The following SS18L1 variants were observed in gnomAD, a reference collection of about 807,000 sequenced individuals.
SS18L1 encodes the protein calcium-responsive transactivator.
SS18L1 carries 32 observed loss-of-function variants against 70.3 expected under a neutral mutation model. The ratio of observed to expected loss-of-function variants is 0.46; its 90% CI spans 0.34 to 0.61. SS18L1 has a LOEUF of 0.61. Ranked by LOEUF, SS18L1 falls within the 20% of genes least tolerant of loss-of-function variation. The pLI is 0.01. For missense variants in SS18L1, 430 were observed against 542.1 expected, an observed-to-expected ratio of 0.79 and a Z score of 2.05; for synonymous variants, 237 against 229.7, an observed-to-expected ratio of 1.03 and a Z score of -0.29.
In SS18L1 at chr20:62,179,339, G is replaced by A. The variant is rs113512555; in HGVS notation, c.*131G>A. ...CCAGTGCCACGTCTGCATGTGAAGC[G>A]TGCTCATTTCATGCTGGGTATGACG... On this transcript the variant is annotated 3_prime_UTR_variant, in exon 11 of 11. Transcript: ENST00000331758. The A allele has an allele frequency of 1.9e-4, 191 of 1,001,872 alleles. No individual in the cohort carries two copies. The East Asian group carries it at 1.9e-3, about 10-fold the overall frequency. The allele number at this position is 1,001,872 out of a possible 1,614,324, so 62.1% of individuals were successfully genotyped here.
At chr20:62,150,721 A>G (rs2145700479) in intron 1 of SS18L1, among the ~76,000 whole-genome samples, 1 of 130,456 alleles carries the variant, frequency 7.7e-6, no homozygotes, top group African/African-American at 2.9e-5. Flanking sequence ...TAACGTGATC[A>G]CAGCTCGTGC....
At chr20:62,165,609 C>A in intron 8 of SS18L1, 95 bp downstream of exon 8, 2 of 1,137,640 alleles carry the variant, frequency 1.8e-6, no homozygotes, top group Non-Finnish European at 2.6e-6. Flanking sequence ...TGCCTGCCTT[C>A]AGTGAGTCCC....
chr20:62,152,233 G>A (rs935267316), intron 1 of SS18L1, among the ~76,000 whole-genome samples: 3 of 152,144 alleles, frequency 2.0e-5, no homozygotes, highest in South Asian at 2.1e-4. Flanking sequence ...GGCCACCCAC[G>A]CCCACTCCAC....
intron 10 of SS18L1, among the ~76,000 whole-genome samples, chr20:62,177,060 A>T (rs2057631713): frequency 6.6e-6 from 1 of 151,936 alleles, no homozygotes; most frequent in Non-Finnish European, 1.5e-5. Flanking sequence ...ATTTAAAATG[A>T]CTCCAGACAT....
In SS18L1 at chr20:62,162,591, A is replaced by T; in HGVS notation, c.377-161A>T. 6 of 741,256 alleles carry T rather than the reference A, an allele frequency of 8.1e-6. No homozygotes were observed. In the South Asian group the frequency reaches 1.0e-4, roughly 13 times the overall value. 45.9% of individuals were successfully genotyped at this position (741,256 alleles called of 1,614,324 possible). On this transcript the variant is annotated intron_variant, in intron 4 of 10. Transcript: ENST00000331758. ...AGTGCTGGGATTACAGGCATGAGCC[A>T]CTGCTCCCGGCCACTTATTTATTAG...
In SS18L1 at chr20:62,158,603, G is replaced by T. The variant is rs2057265518; in HGVS notation, c.70-69G>T. 1 of 1,578,488 alleles carries T rather than the reference G, an allele frequency of 6.3e-7. No homozygotes were observed. On this transcript the variant is annotated intron_variant, in intron 1 of 10. Transcript: ENST00000331758. This position sits in a 1 kb window ranked among gnomAD's most constrained non-coding sequence, Gnocchi z 4.5. ...CCTATATGAAAACTAGATGTGTAGC[G>T]ATGGCTGTTCATCCCGAGGGTCAGC...
chr20:62,165,533 T>TAA lies in SS18L1; in HGVS notation c.916+19_916+20insAA, dbSNP rs754302043. On this transcript the variant is annotated intron_variant, in intron 8 of 10. Transcript: ENST00000331758. ...GAGGGGGGTAAGGAGCACGGCTGCG[T>TAA]GCTGGGCTCGAGCGTAAGCGCCACA... 2 of 1,285,402 alleles carry TAA rather than the reference T, an allele frequency of 1.6e-6. No homozygotes were observed. Among genetic ancestry groups the TAA allele is most frequent in the Non-Finnish European group, 2.1e-6 (2 of 970,604 alleles). The allele number at this position is 1,285,402 out of a possible 1,614,324, so 79.6% of individuals were successfully genotyped here.
At chr20:62,156,457 G>A (rs2057225448) in intron 1 of SS18L1, among the ~76,000 whole-genome samples, 1 of 152,230 alleles carries the variant, frequency 6.6e-6, no homozygotes, top group Non-Finnish European at 1.5e-5. Flanking sequence ...GCTCAGCTGA[G>A]TGCAGGGCAC....
chr20:62,144,454 C>T (rs1035022685), intron 1 of SS18L1, among the ~76,000 whole-genome samples: 1 of 152,254 alleles, frequency 6.6e-6, no homozygotes, highest in Admixed American at 6.5e-5. Flanking sequence ...GAGGCGCGAA[C>T]GATGGAGGCA....
chr20:62,149,012 C>G (rs1467591190), intron 1 of SS18L1, among the ~76,000 whole-genome samples: 1 of 152,224 alleles, frequency 6.6e-6, no homozygotes, highest in Non-Finnish European at 1.5e-5. Flanking sequence ...GGCGGTCCTG[C>G]GGGTGCTCTC....
At chr20:62,143,987 A>C in intron 1 of SS18L1, 98 bp downstream of exon 1, 5 of 772,212 alleles carry the variant, frequency 6.5e-6, no homozygotes, top group Non-Finnish European at 7.8e-6. Context: ...GGCGCGAACA[A>C]AGCCGGGGCG....
chr20:62,175,132 C>A (rs897326545), intron 10 of SS18L1: 9 of 805,460 alleles, frequency 1.1e-5, no homozygotes, highest in Non-Finnish European at 1.4e-5. Context: ...AATTCCAGGA[C>A]GAAGACACAG....
chr20:62,156,048 G>A (rs1682074891), intron 1 of SS18L1, among the ~76,000 whole-genome samples: 2 of 137,216 alleles, frequency 1.5e-5, no homozygotes, highest in Admixed American at 1.5e-4. Context: ...CACCAGTACT[G>A]TGTTTCGTCG....
chr20:62,144,075 G>A (rs1290746043), intron 1 of SS18L1, among the ~76,000 whole-genome samples, 186 bp downstream of exon 1: 2 of 149,376 alleles, frequency 1.3e-5, no homozygotes, highest in South Asian at 2.1e-4. Flanking sequence ...GCGGGCACCC[G>A]GCCGTGTGGG....
chr20:62,166,145 TACAC>T (rs2057425836), intron 8 of SS18L1, among the ~76,000 whole-genome samples: 1 of 152,056 alleles, frequency 6.6e-6, no homozygotes, highest in South Asian at 2.1e-4. Context: ...TGGGAAGAGG[TACAC>T]ACAGCCCGTT....
chr20:62,143,862 G>T lies in SS18L1; in HGVS notation c.42G>T (p.Gly14=). The T allele has an allele frequency of 1.5e-6, 2 of 1,304,770 alleles. No homozygotes were observed. The highest frequency in any genetic ancestry group is 2.0e-6 in the Non-Finnish European group (2 of 995,144). The allele number at this position is 1,304,770 out of a possible 1,614,324, so 80.8% of individuals were successfully genotyped here. A position where few individuals can be genotyped will look rare whatever the true frequency, so the allele number is the denominator to read the frequency against. ...AFASARPRGK[G]EVTQQTIQKM... ...CGTCTGCCCGGCCAAGAGGCAAAGG[G>T]GAGGTTACGCAGCAAACCATCCAGA... The change falls in exon 1 of 11, where the codon GGG becomes GGT. Residue 14 remains glycine, a synonymous_variant. Coordinates refer to ENST00000331758, the MANE Select transcript of SS18L1 (RefSeq NM_198935.3).
intron 1 of SS18L1, among the ~76,000 whole-genome samples, chr20:62,157,851 G>T (rs111353673): frequency 1.3e-5 from 2 of 151,940 alleles, no homozygotes; most frequent in Admixed American, 6.6e-5. Context: ...GCAGTCTCAC[G>T]CATCTTTTCT....
In SS18L1 at chr20:62,161,113, T is replaced by G. The variant is rs918639301; in HGVS notation, c.232-323T>G. On this transcript the variant is annotated intron_variant, in intron 3 of 10. Transcript: ENST00000331758. The surrounding 1 kb of genome is among the most constrained non-coding windows in gnomAD (Gnocchi z 4.4). ...TCACCTGCGCCCGAGGGGGACGGGG[T>G]GCGTTCAGCCTGGTGGGCCGGGAAA... 6.6e-6 allele frequency among the ~76,000 whole-genome samples: 1 copy of G among 150,736 alleles called. No homozygotes were observed. Among genetic ancestry groups the G allele is most frequent in the Non-Finnish European group, 1.5e-5 (1 of 67,752 alleles).
intron 1 of SS18L1, among the ~76,000 whole-genome samples, chr20:62,145,738 C>A (rs2057013307): frequency 6.6e-6 from 1 of 152,198 alleles, no homozygotes; most frequent in African/African-American, 2.4e-5. Context: ...GCTGACTTGG[C>A]TTGGTAGGGC....
Sources: gnomAD v4.1 joint callset for allele counts (sites outside exome capture counted in the v4.1 genomes callset) on GRCh38, gnomAD v4.1.1 for gene constraint, Gnocchi (gnomAD v3.1) non-coding constraint, MANE v1.5 for transcripts, NCBI Gene and HGNC (gene_info 2026-07-23, HGNC 2026-07-21) for gene names.